The following CALN1 variants were observed in gnomAD, a reference collection of about 807,000 sequenced individuals.
CALN1 encodes the protein calcium-binding protein 8.
CALN1 carries 17 observed loss-of-function variants against 30.6 expected under a neutral mutation model. The observed-to-expected ratio is 0.56, with a 90% CI of 0.38 to 0.83. The LOEUF is 0.83. CALN1 is among the 40% of genes least tolerant of loss of function. The probability of loss-of-function intolerance (pLI) is 0.00; values close to 1 mark genes in which losing one functional copy is unlikely to be tolerated. For synonymous variants in CALN1, 156 were observed against 131.4 expected (o/e 1.19, Z -1.28); for missense variants, 291 against 354.9 (o/e 0.82, Z 1.45).
At chr7:71,876,170 G>A (rs960427999) in intron 5 of CALN1, among the ~76,000 whole-genome samples, 5 of 152,188 alleles carry the variant, frequency 3.3e-5, no homozygotes, top group Non-Finnish European at 7.3e-5. Flanking sequence ...GATTCCTAAA[G>A]TAATGGTGTT....
At chr7:72,471,960 T>C in the CALN1 span, among the ~76,000 whole-genome samples, 1 of 152,006 alleles carries the variant, frequency 6.6e-6, no homozygotes, top group Non-Finnish European at 1.5e-5. Flanking sequence ...ACATGACACA[T>C]AATATTTTTA....
intron 5 of CALN1, among the ~76,000 whole-genome samples, chr7:71,823,987 T>C (rs949672131): frequency 6.6e-6 from 1 of 152,100 alleles, no homozygotes; most frequent in African/African-American, 2.4e-5. Context: ...GCCTTCATGA[T>C]CCAATTACCT....
chr7:71,838,769 T>C (rs1309428251), intron 5 of CALN1, among the ~76,000 whole-genome samples: 3 of 152,128 alleles, frequency 2.0e-5, no homozygotes, highest in African/African-American at 7.2e-5. Context: ...TAAGGGGCTT[T>C]TCCCTCTTTT....
intron 3 of CALN1, among the ~76,000 whole-genome samples, chr7:72,171,227 A>T (rs1788938326): frequency 6.6e-6 from 1 of 152,180 alleles, no homozygotes; most frequent in East Asian, 1.9e-4. Flanking sequence ...TTTCACGCCT[A>T]AAAGATAAGC....
At chr7:71,824,987 C>T (rs1788827661) in intron 5 of CALN1, among the ~76,000 whole-genome samples, 3 of 152,162 alleles carry the variant, frequency 2.0e-5, no homozygotes, top group African/African-American at 7.2e-5. Context: ...CTGCCTTGAG[C>T]GCCAGCGTGA....
chr7:72,109,048 G>A lies in CALN1; in HGVS notation c.245-2754C>T, dbSNP rs78877467. 0.016 allele frequency among the ~76,000 whole-genome samples: 2,418 copies of A among 152,268 alleles called. 209 individuals are homozygous for A. In the East Asian group the frequency reaches 0.26, roughly 17 times the overall value. On this transcript the variant is annotated intron_variant, in intron 3 of 6. Transcript: ENST00000395275. Reference sequence around the variant, plus strand: ...CATTGGCTTCTTTTCTGAGCGGTAAGCACCTCCTACCCTTCTTTCATCTTA... The same window carrying A: ...CATTGGCTTCTTTTCTGAGCGGTAAACACCTCCTACCCTTCTTTCATCTTA...
At chr7:72,439,717 C>A (rs1407210498) in intron 1 of CALN1, among the ~76,000 whole-genome samples, 2 of 151,900 alleles carry the variant, frequency 1.3e-5, no homozygotes, top group Non-Finnish European at 2.9e-5. Flanking sequence ...GCTGGGATGA[C>A]AAGCGCCCGC....
intron 3 of CALN1, among the ~76,000 whole-genome samples, chr7:72,111,995 C>A (rs1465590261): frequency 2.0e-5 from 3 of 151,968 alleles, no homozygotes; most frequent in Non-Finnish European, 4.4e-5. Context: ...AGGTGATCCA[C>A]CCCCCTCTGC....
chr7:72,317,158 A>G (rs1800539078), intron 2 of CALN1, among the ~76,000 whole-genome samples: 1 of 107,028 alleles, frequency 9.3e-6, no homozygotes, highest in African/African-American at 3.6e-5. Context: ...GGAAGAAGGG[A>G]GCAGGGGAGG....
chr7:72,339,437 T>G (rs549726254), intron 2 of CALN1, among the ~76,000 whole-genome samples: 2 of 152,218 alleles, frequency 1.3e-5, no homozygotes, highest in South Asian at 4.2e-4. Context: ...TACCCCAGCA[T>G]GAAAACACAG....
intron 5 of CALN1, among the ~76,000 whole-genome samples, chr7:71,838,397 T>A (rs113110159): frequency 2.5e-3 from 379 of 152,346 alleles, no homozygotes; most frequent in Non-Finnish European, 4.6e-3. Context: ...CAGATGAGCA[T>A]GTGACCCAAT....
chr7:72,070,136 A>G (rs1458240330), intron 4 of CALN1, among the ~76,000 whole-genome samples: 2 of 152,242 alleles, frequency 1.3e-5, no homozygotes, highest in African/African-American at 4.8e-5. Flanking sequence ...CACTGCAAAG[A>G]AAACAGCCTC....
rs561391847 is a variant in CALN1, at chr7:71,964,265, G to A, written c.501+59392C>T. Among the ~76,000 whole-genome samples the A allele has an allele frequency of 5.3e-5, 8 of 152,288 alleles. No homozygotes were observed. In the South Asian group the frequency reaches 1.7e-3, roughly 32 times the overall value. Reference sequence around the variant, plus strand: ...CCTAAGGAAGCATGCAGACAGGCAGGTGTAGGGGTCGTGGGGAGCATTTTT... The same window carrying A: ...CCTAAGGAAGCATGCAGACAGGCAGATGTAGGGGTCGTGGGGAGCATTTTT... On this transcript the variant is annotated intron_variant, in intron 5 of 6. Transcript: ENST00000395275.
intron 3 of CALN1, among the ~76,000 whole-genome samples, chr7:72,219,854 A>G (rs1389228176): frequency 6.6e-6 from 1 of 152,098 alleles, no homozygotes; most frequent in African/African-American, 2.4e-5. Flanking sequence ...AAGAGACAAA[A>G]TCCTGGAATG....
intron 3 of CALN1, among the ~76,000 whole-genome samples, chr7:72,229,699 G>T (rs964017126): frequency 6.6e-6 from 1 of 151,862 alleles, no homozygotes; most frequent in Non-Finnish European, 1.5e-5. Flanking sequence ...ACCAAACACC[G>T]CATGTTCTCA....
chr7:72,315,683 T>TG (rs1486775606), intron 2 of CALN1, among the ~76,000 whole-genome samples: 1 of 151,314 alleles, frequency 6.6e-6, no homozygotes, highest in African/African-American at 2.4e-5. Context: ...CCAGCCTGTG[T>TG]GACACAGTGA....
At chr7:71,806,250 GCACA>G (rs748073948) in intron 6 of CALN1, among the ~76,000 whole-genome samples, 42 of 109,162 alleles carry the variant, frequency 3.8e-4, no homozygotes, top group East Asian at 6.0e-4. Context: ...GTGCACGCAT[GCACA>G]CACACACACA....
chr7:72,309,991 G>C (rs1369241324), intron 2 of CALN1, among the ~76,000 whole-genome samples: 1 of 152,040 alleles, frequency 6.6e-6, no homozygotes, highest in Non-Finnish European at 1.5e-5. Context: ...GTTCACATCG[G>C]TCCGCCAGCA....
intron 2 of CALN1, among the ~76,000 whole-genome samples, chr7:72,341,302 C>A (rs1051115165): frequency 6.6e-6 from 1 of 152,162 alleles, no homozygotes; most frequent in Non-Finnish European, 1.5e-5. Context: ...GCGGGTGGAT[C>A]ACTTGAGGTC....
Sources: gnomAD v4.1 joint callset for allele counts (sites outside exome capture counted in the v4.1 genomes callset) on GRCh38, gnomAD v4.1.1 for gene constraint, MANE v1.5 for transcripts, NCBI Gene and HGNC (gene_info 2026-07-23, HGNC 2026-07-21) for gene names.